Variants in CYP7B1 observed in about 807,000 individuals in gnomAD.
CYP7B1 encodes the protein cytochrome P450 7B1.
A neutral mutation model predicts 42.7 loss-of-function variants in CYP7B1; 29 were observed. The ratio of observed to expected loss-of-function variants is 0.68; its 90% CI spans 0.51 to 0.93. CYP7B1 has a LOEUF of 0.93. Among genes scored for constraint, CYP7B1 ranks in the 40% least tolerant of loss-of-function variants. The pLI, the probability that CYP7B1 is intolerant of heterozygous loss-of-function variation, is 0.00. For synonymous variants in CYP7B1, 235 were observed against 218.2 expected (o/e 1.08, Z -0.68); for missense variants, 655 against 600.5 (o/e 1.09, Z -0.95).
At chr8:64,671,648 AT>A in intron 1 of CYP7B1, among the ~76,000 whole-genome samples, 1 of 152,190 alleles carries the variant, frequency 6.6e-6, no homozygotes, top group African/African-American at 2.4e-5. Flanking sequence ...TGCCCTATGG[AT>A]TTTGGACTTG....
At chr8:64,710,179 C>A (rs1807060667) in intron 1 of CYP7B1, among the ~76,000 whole-genome samples, 1 of 152,146 alleles carries the variant, frequency 6.6e-6, no homozygotes, top group Non-Finnish European at 1.5e-5. Context: ...CCAGCCAAGT[C>A]TTCGTAAAGC....
chr8:64,716,837 G>C (rs1247882021), intron 1 of CYP7B1, among the ~76,000 whole-genome samples: 4 of 152,206 alleles, frequency 2.6e-5, no homozygotes, highest in African/African-American at 9.7e-5. Context: ...GACTAAGGTG[G>C]TTGATAGTAT....
At position 64,615,928 on chromosome 8, in the gene CYP7B1, T is replaced by C; in HGVS notation, c.613A>G (p.Asn205Asp). ...TIYGKVIVCD[N>D]NKFISELRDD... ...CTTAGCTCACTAATAAATTTGTTGT[T>C]GTCACAAACAATAACTTTTCCATAT... The change falls in exon 3 of 6, where the codon AAC (asparagine) becomes GAC (aspartate). Residue 205 changes from asparagine (N) to aspartate (D), a missense_variant. Asn to Asp is a conservative substitution (Grantham distance 23). Transcript: ENST00000310193. 6.2e-7 allele frequency: 1 copy of C among 1,613,638 alleles called. No individual in the cohort carries two copies.
At chr8:64,731,972 A>G (rs1807418245) in intron 1 of CYP7B1, among the ~76,000 whole-genome samples, 1 of 152,192 alleles carries the variant, frequency 6.6e-6, no homozygotes, top group African/African-American at 2.4e-5. Context: ...GATGTGTGGA[A>G]ACACTTGGAT....
intron 1 of CYP7B1, among the ~76,000 whole-genome samples, chr8:64,696,996 T>A (rs1806838693): frequency 6.6e-6 from 1 of 152,178 alleles, no homozygotes; most frequent in African/African-American, 2.4e-5. Context: ...TTGTGGCAAA[T>A]GCTACAAACA....
intron 5 of CYP7B1, among the ~76,000 whole-genome samples, chr8:64,602,286 C>T (rs1386736957): frequency 6.6e-6 from 1 of 152,204 alleles, no homozygotes; most frequent in Non-Finnish European, 1.5e-5. Flanking sequence ...ATCAGGCACA[C>T]TGTCAACAAA....
intron 1 of CYP7B1, among the ~76,000 whole-genome samples, chr8:64,627,434 T>G (rs1212309979): frequency 2.0e-5 from 3 of 152,230 alleles, no homozygotes; most frequent in Non-Finnish European, 4.4e-5. Flanking sequence ...AAATTTCTTT[T>G]CAAAATATTA....
intron 1 of CYP7B1, among the ~76,000 whole-genome samples, chr8:64,640,926 A>C (rs1805843478): frequency 6.6e-6 from 1 of 152,332 alleles, no homozygotes; most frequent in Non-Finnish European, 1.5e-5. Flanking sequence ...GTTATCTCCC[A>C]TAGGGCAACT....
At chr8:64,741,734 A>C (rs1168838173) in intron 1 of CYP7B1, among the ~76,000 whole-genome samples, 1 of 152,254 alleles carries the variant, frequency 6.6e-6, no homozygotes, top group East Asian at 1.9e-4. Flanking sequence ...TGAATTGAAA[A>C]GCACAATACC....
At chr8:64,627,789 T>A (rs1246087832) in intron 1 of CYP7B1, among the ~76,000 whole-genome samples, 1 of 152,178 alleles carries the variant, frequency 6.6e-6, no homozygotes, top group Admixed American at 6.5e-5. Context: ...GTCACAACTG[T>A]GCATATTTTC....
At chr8:64,604,565 A>G in intron 5 of CYP7B1, 117 bp downstream of exon 5, 1 of 1,076,958 alleles carries the variant, frequency 9.3e-7, no homozygotes, top group East Asian at 2.4e-5. Flanking sequence ...AATAGAAGCC[A>G]TCAAGCTGCC....
chr8:64,785,081 A>G (rs1804498741), intron 1 of CYP7B1, among the ~76,000 whole-genome samples: 1 of 152,236 alleles, frequency 6.6e-6, no homozygotes, highest in African/African-American at 2.4e-5. Context: ...AAGAAGATAT[A>G]TAAATGGCAA....
intron 1 of CYP7B1, among the ~76,000 whole-genome samples, chr8:64,646,378 A>G (rs983507608): frequency 4.6e-5 from 7 of 152,194 alleles, no homozygotes; most frequent in African/African-American, 1.4e-4. Context: ...CCCCATCAAA[A>G]AGTGGGTGAA....
chr8:64,693,872 C>T lies in CYP7B1; in HGVS notation c.123-69333G>A, dbSNP rs188268274. ...GTGAGGGAATTAGAGAGGTAACAGT[C>T]TTCCCATTTTAAGAAGAGAAAACTG... On this transcript the variant is annotated intron_variant, in intron 1 of 5. Coordinates refer to ENST00000310193, the MANE Select transcript of CYP7B1 (RefSeq NM_004820.5). Among the ~76,000 whole-genome samples the T allele has an allele frequency of 2.2e-3, 337 of 152,306 alleles. 2 individuals are homozygous for T. Among genetic ancestry groups the T allele is most frequent in the African/African-American group, 7.9e-3 (330 of 41,572 alleles).
intron 1 of CYP7B1, among the ~76,000 whole-genome samples, chr8:64,674,936 T>G (rs1184202812): frequency 6.6e-6 from 1 of 152,096 alleles, no homozygotes; most frequent in East Asian, 1.9e-4. Flanking sequence ...ATTTAAAGAT[T>G]TTTTTTATGA....
At chr8:64,664,564 T>C (rs1806247444) in intron 1 of CYP7B1, among the ~76,000 whole-genome samples, 1 of 152,108 alleles carries the variant, frequency 6.6e-6, no homozygotes, top group African/African-American at 2.4e-5. Context: ...AGTTCAGCCA[T>C]TGCAGTGAAG....
chr8:64,780,953 T>C (rs1485059835), intron 1 of CYP7B1, among the ~76,000 whole-genome samples: 1 of 152,136 alleles, frequency 6.6e-6, no homozygotes, highest in Non-Finnish European at 1.5e-5. Flanking sequence ...TCTCAATACC[T>C]TCAATGTCTG....
intron 4 of CYP7B1, 80 bp from the exon 5 acceptor site, chr8:64,604,937 T>C: frequency 7.0e-7 from 1 of 1,419,328 alleles, no homozygotes; most frequent in Non-Finnish European, 9.7e-7. Context: ...TAAAACTCAT[T>C]ACTAATAGCC....
At chr8:64,612,651 C>A (rs1351976730) in intron 4 of CYP7B1, among the ~76,000 whole-genome samples, 3 of 152,042 alleles carry the variant, frequency 2.0e-5, no homozygotes, top group African/African-American at 7.2e-5. Flanking sequence ...AAAAGAAGAA[C>A]CTCTTTTCTC....
Sources: allele counts gnomAD v4.1 joint callset (sites outside exome capture counted in the v4.1 genomes callset), GRCh38; gene constraint gnomAD v4.1.1; transcripts MANE v1.5; gene names NCBI Gene and HGNC (gene_info 2026-07-23, HGNC 2026-07-21).